The following TXN variants were observed in gnomAD, a reference collection of about 807,000 sequenced individuals.
TXN encodes ADF.
A neutral mutation model predicts 16.5 loss-of-function variants in TXN; 10 were observed. That is an observed-to-expected ratio of 0.61 (90% confidence interval 0.37 to 1.03). The LOEUF is 1.03. Among genes scored for constraint, TXN ranks in the 50% least tolerant of loss-of-function variants. The pLI is 0.01. For synonymous variants in TXN, 35 were observed against 39.4 expected, an observed-to-expected ratio of 0.89 and a Z score of 0.42; for missense variants, 71 against 122.5, an observed-to-expected ratio of 0.58 and a Z score of 1.98.
At chr9:110,246,844 T>C (rs1837666040) in intron 3 of TXN, among the ~76,000 whole-genome samples, 1 of 152,194 alleles carries the variant, frequency 6.6e-6, no homozygotes, top group Admixed American at 6.5e-5. Flanking sequence ...TATTGAAAAC[T>C]CACTCCAAGT....
chr9:110,252,393 G>A (rs569981754), intron 1 of TXN, among the ~76,000 whole-genome samples: 2 of 152,198 alleles, frequency 1.3e-5, no homozygotes, highest in East Asian at 3.9e-4. Flanking sequence ...CCAGAGCTGA[G>A]ATCACACGTT....
At chr9:110,245,479 A>G (rs1329301644) in intron 3 of TXN, among the ~76,000 whole-genome samples, 4 of 149,434 alleles carry the variant, frequency 2.7e-5, no homozygotes, top group Non-Finnish European at 5.9e-5. Context: ...GCATAGTCTC[A>G]GCTCACTGCA....
At chr9:110,253,927 A>T (rs1176855217) in intron 1 of TXN, among the ~76,000 whole-genome samples, 1 of 152,210 alleles carries the variant, frequency 6.6e-6, no homozygotes, top group Admixed American at 6.5e-5. Flanking sequence ...AAATAGGAGC[A>T]AGAGTCTAAG....
At chr9:110,251,812 G>A (rs1012964377) in intron 1 of TXN, among the ~76,000 whole-genome samples, 3 of 152,104 alleles carry the variant, frequency 2.0e-5, no homozygotes, top group African/African-American at 7.2e-5. Flanking sequence ...TATTAAAAAT[G>A]TTTCCATGTC....
At position 110,252,245 on chromosome 9, in the gene TXN, A is replaced by AAAAAAAAAG. The variant is rs199937630; in HGVS notation, c.25-784_25-783insCTTTTTTTT. Among the ~76,000 whole-genome samples the AAAAAAAAAG allele has an allele frequency of 5.6e-4, 76 of 136,200 alleles. 5 individuals carry two copies. The highest frequency in any genetic ancestry group is 7.3e-4 in the East Asian group (3 of 4,128). 89.4% of individuals were successfully genotyped at this position (136,200 alleles called of 152,430 possible). ...TCGCAAAAAAAAAAAAAAAAAAAAA[A>AAAAAAAAAG]GCTATGACTTTTGATTAAACTCATT... On this transcript the variant is annotated intron_variant, in intron 1 of 4. Coordinates refer to ENST00000374517, the MANE Select transcript of TXN (RefSeq NM_003329.4).
In TXN at chr9:110,244,222, G is replaced by A. The variant is rs759634443; in HGVS notation, c.256-3C>T. 2.0e-5 allele frequency: 31 copies of A among 1,540,126 alleles called. No homozygotes were observed. Among genetic ancestry groups the A allele is most frequent in the Non-Finnish European group, 2.5e-5 (28 of 1,141,316 alleles). On this transcript the variant is annotated splice_region_variant and splice_polypyrimidine_tract_variant and intron_variant, in intron 4 of 4. Transcript: ENST00000374517. ...TTGGCTCCAGAAAATTCACCCACCT[G>A]TTAAGAGAATATTGAATTGACATTA...
At chr9:110,244,683 C>G in intron 4 of TXN, 95 bp downstream of exon 4, 4 of 1,122,580 alleles carry the variant, frequency 3.6e-6, no homozygotes, top group Non-Finnish European at 5.3e-6. Context: ...GGTGATATGC[C>G]TCAATCTTTA....
At chr9:110,246,250 A>G (rs889864231) in intron 3 of TXN, among the ~76,000 whole-genome samples, 4 of 152,100 alleles carry the variant, frequency 2.6e-5, no homozygotes, top group African/African-American at 4.8e-5. Context: ...AATTCCTAAC[A>G]TCGCAAATTG....
Position 110,251,475 on chromosome 9 carries a change from GA to G in TXN, c.25-14del. 6.7e-7 allele frequency: 1 copy of G among 1,493,328 alleles called. No individual in the cohort carries two copies. The highest frequency in any genetic ancestry group is 1.1e-5 in the South Asian group (1 of 87,730). 92.5% of individuals were successfully genotyped at this position (1,493,328 alleles called of 1,614,324 possible). A position where few individuals can be genotyped will look rare whatever the true frequency, so the allele number is the denominator to read the frequency against. The stretch of plus-strand genomic sequence containing the variant: ...CCTGAAAAGCAGTCTAACAGCAAAA[GA>G]AAAGCTTATATTAAATAAATAGTTA... On this transcript the variant is annotated splice_polypyrimidine_tract_variant and intron_variant, in intron 1 of 4. Coordinates refer to ENST00000374517, the MANE Select transcript of TXN (RefSeq NM_003329.4).
intron 1 of TXN, among the ~76,000 whole-genome samples, chr9:110,255,133 C>T (rs1357496848): frequency 6.6e-6 from 1 of 152,212 alleles, no homozygotes. Flanking sequence ...GGACACATTG[C>T]AGACACACTT....
chr9:110,252,245 A>AAAAAAAAAAAAAAAAAAAAG (rs199937630), intron 1 of TXN, among the ~76,000 whole-genome samples: 10 of 136,198 alleles, frequency 7.3e-5, no homozygotes, highest in East Asian at 4.8e-4. Context: ...AAAAAAAAAA[A>AAAAAAAAAAAAAAAAAAAAG]GCTATGACTT....
rs189254348 is a variant in TXN at position 110,247,483 on chromosome 9, C to T, written c.190-2640G>A. 2.5e-3 allele frequency among the ~76,000 whole-genome samples: 378 copies of T among 152,196 alleles called. 3 individuals carry two copies. The highest frequency in any genetic ancestry group is 8.6e-3 in the African/African-American group (357 of 41,510). ...CAACAGATTGCATATATGTGGTGGT[C>T]CCATAAGATTATAATGAAGTTGAAA... On this transcript the variant is annotated intron_variant, in intron 3 of 4. Coordinates refer to ENST00000374517, the MANE Select transcript of TXN (RefSeq NM_003329.4).
chr9:110,251,328 C>A, intron 2 of TXN, 30 bp downstream of exon 2: 1 of 1,522,502 alleles, frequency 6.6e-7, no homozygotes, highest in South Asian at 1.1e-5. Flanking sequence ...ACACAAATCT[C>A]TTACAAAGCA....
intron 3 of TXN, among the ~76,000 whole-genome samples, chr9:110,245,431 G>A (rs1287428676): frequency 6.7e-6 from 1 of 149,920 alleles, no homozygotes; most frequent in Non-Finnish European, 1.5e-5. Context: ...TTTGAGACAG[G>A]GTCTGGCTGT....
At chr9:110,244,531 C>T (rs888975832) in intron 4 of TXN, among the ~76,000 whole-genome samples, 21 of 152,130 alleles carry the variant, frequency 1.4e-4, no homozygotes, top group African/African-American at 5.1e-4. Flanking sequence ...AACAAATGAA[C>T]TGCCCAAGTC....
At chr9:110,254,832 G>T (rs1837785368) in intron 1 of TXN, among the ~76,000 whole-genome samples, 1 of 152,190 alleles carries the variant, frequency 6.6e-6, no homozygotes, top group South Asian at 2.1e-4. Flanking sequence ...AGTGGAGGGG[G>T]TTCTTAGCAG....
chr9:110,253,323 C>T (rs1388701096), intron 1 of TXN, among the ~76,000 whole-genome samples: 3 of 152,078 alleles, frequency 2.0e-5, no homozygotes, highest in African/African-American at 7.2e-5. Context: ...TCCCTGAACC[C>T]CACCTCTAGA....
chr9:110,244,277 T>A, intron 4 of TXN, 58 bp from the exon 5 acceptor site: 3 of 731,108 alleles, frequency 4.1e-6, no homozygotes, highest in Non-Finnish European at 3.9e-6. Flanking sequence ...GTTTTATACA[T>A]AAAATATGTA....
intron 1 of TXN, among the ~76,000 whole-genome samples, chr9:110,252,787 A>G (rs1452507657): frequency 6.6e-6 from 1 of 152,018 alleles, no homozygotes; most frequent in Non-Finnish European, 1.5e-5. Flanking sequence ...TGGGATTACA[A>G]GCCTCTGCCA....
Sources: allele counts gnomAD v4.1 joint callset (sites outside exome capture counted in the v4.1 genomes callset), GRCh38; gene constraint gnomAD v4.1.1; transcripts MANE v1.5; gene names NCBI Gene and HGNC (gene_info 2026-07-23, HGNC 2026-07-21).